The following PRH1 variants were observed in gnomAD, a reference collection of about 807,000 sequenced individuals.
PRH1 encodes the protein salivary acidic proline-rich phosphoprotein 1/2.
PRH1 carries 7 observed loss-of-function variants against 7.9 expected under a neutral mutation model. The observed-to-expected ratio is 0.89, with a 90% CI of 0.50 to 1.67. The LOEUF is 1.67. Ranked by LOEUF, PRH1 falls within the 40% of genes most tolerant of loss-of-function variation. The pLI is 0.00. For synonymous variants in PRH1, 45 were observed against 80.8 expected (o/e 0.56, Z 2.38); for missense variants, 109 against 223.6 (o/e 0.49, Z 3.27).
chr12:11,114,897 G>C (rs569693897), intron 1 of PRH1, among the ~76,000 whole-genome samples: 87 of 152,000 alleles, frequency 5.7e-4, no homozygotes, highest in Admixed American at 1.0e-3. Context: ...GCATAGAATG[G>C]ATACACAAAC....
chr12:10,919,850 T>C (rs1234264628), intron 2 of PRH1, among the ~76,000 whole-genome samples: 1 of 151,838 alleles, frequency 6.6e-6, no homozygotes, highest in African/African-American at 2.4e-5. Flanking sequence ...TTTTTAATAA[T>C]TTTTTTGAGA....
chr12:10,910,017 TTAAAAGTGA>T (rs1243612562), intron 2 of PRH1, among the ~76,000 whole-genome samples: 3 of 152,120 alleles, frequency 2.0e-5, no homozygotes, highest in African/African-American at 7.2e-5. Context: ...TTTTTTAAAC[TTAAAAGTGA>T]TAAAAAAACA....
intron 1 of PRH1, among the ~76,000 whole-genome samples, chr12:11,126,775 T>G (rs1946144780): frequency 6.6e-6 from 1 of 152,180 alleles, no homozygotes; most frequent in South Asian, 2.1e-4. Flanking sequence ...AAAATATGAT[T>G]AGTTAACAGT....
At chr12:11,006,829 A>G (rs147196902) in intron 1 of PRH1, among the ~76,000 whole-genome samples, 1 of 152,238 alleles carries the variant, frequency 6.6e-6, no homozygotes, top group African/African-American at 2.4e-5. Context: ...TGCTGCATTT[A>G]TGGAAAATTT....
chr12:11,127,306 T>G (rs960962040), intron 1 of PRH1, among the ~76,000 whole-genome samples: 1 of 152,292 alleles, frequency 6.6e-6, no homozygotes. Flanking sequence ...TTGCAATTTT[T>G]TCCTTGTTTA....
intron 1 of PRH1, among the ~76,000 whole-genome samples, chr12:11,035,180 TA>T (rs1942384008): frequency 6.6e-6 from 1 of 152,062 alleles, no homozygotes; most frequent in Non-Finnish European, 1.5e-5. Flanking sequence ...TGAAGTCTGA[TA>T]GTTTCTAAAA....
At chr12:10,881,276 G>C (rs111287924) in intron 3 of PRH1, among the ~76,000 whole-genome samples, 1 of 152,196 alleles carries the variant, frequency 6.6e-6, no homozygotes, top group Non-Finnish European at 1.5e-5. Context: ...ATGAGAAAGA[G>C]AAACAATTAT....
chr12:11,168,299 A>AGAAAGGAAG (rs1947679780), intron 1 of PRH1, among the ~76,000 whole-genome samples: 2 of 5,862 alleles, frequency 3.4e-4, no homozygotes, highest in African/African-American at 1.0e-3. Context: ...AAAGAAAGAA[A>AGAAAGGAAG]GAAGGAAGGA....
intron 1 of PRH1, among the ~76,000 whole-genome samples, chr12:10,995,626 T>C (rs1384612488): frequency 6.6e-6 from 1 of 152,154 alleles, no homozygotes; most frequent in African/African-American, 2.4e-5. Context: ...GAGCTTCTTT[T>C]TAAAGTAAGG....
At chr12:11,001,075 C>A (rs540268075) in intron 1 of PRH1, among the ~76,000 whole-genome samples, 4 of 151,918 alleles carry the variant, frequency 2.6e-5, no homozygotes, top group Admixed American at 1.3e-4. Flanking sequence ...AGACTTTGGT[C>A]ACAAAATAGA....
intron 1 of PRH1, chr12:11,133,775 T>A (rs749498965): frequency 3.1e-6 from 5 of 1,614,078 alleles, no homozygotes; most frequent in Non-Finnish European, 2.5e-6. Context: ...TCCTTCATAT[T>A]CTTTTGTCCA....
intron 1 of PRH1, among the ~76,000 whole-genome samples, chr12:10,989,770 G>T (rs1296262515): frequency 6.6e-6 from 1 of 151,986 alleles, no homozygotes; most frequent in Non-Finnish European, 1.5e-5. Flanking sequence ...ATTTGTTAAA[G>T]TCCGCTATGG....
At chr12:11,053,794 A>G (rs797003517) in intron 1 of PRH1, among the ~76,000 whole-genome samples, 2 of 135,372 alleles carry the variant, frequency 1.5e-5, no homozygotes, top group African/African-American at 2.7e-5. Context: ...GGAGAACACT[A>G]TTATTCATCC....
At chr12:10,919,748 G>T (rs1950020515) in intron 2 of PRH1, among the ~76,000 whole-genome samples, 1 of 151,092 alleles carries the variant, frequency 6.6e-6, no homozygotes, top group African/African-American at 2.4e-5. Context: ...TAAACAATCT[G>T]GTCTCACCAG....
At chr12:10,935,947 T>A (rs1209101365) in intron 2 of PRH1, among the ~76,000 whole-genome samples, 1 of 152,082 alleles carries the variant, frequency 6.6e-6, no homozygotes, top group Non-Finnish European at 1.5e-5. Flanking sequence ...ATTACAGGCT[T>A]GGCATCTTCC....
chr12:10,972,932 A>ACCCCCCCCCCCCCCCCCCCCCCCC, intron 2 of PRH1, among the ~76,000 whole-genome samples: 1 of 79,026 alleles, frequency 1.3e-5, no homozygotes, highest in Non-Finnish European at 2.6e-5. Flanking sequence ...ACCACAACCC[A>ACCCCCCCCCCCCCCCCCCCCCCCC]CCCCCCCCGC....
intron 1 of PRH1, among the ~76,000 whole-genome samples, chr12:11,109,820 G>A (rs1041355243): frequency 6.6e-6 from 1 of 152,102 alleles, no homozygotes; most frequent in Non-Finnish European, 1.5e-5. Flanking sequence ...CAGAGAATGA[G>A]TTTGATGAAT....
In PRH1 at chr12:11,042,623, C is replaced by CTTTTTTTTTTTT. The variant is rs71051557; in HGVS notation, c.-126+4385_-126+4396dup. Among the ~76,000 whole-genome samples the CTTTTTTTTTTTT allele has an allele frequency of 3.8e-4, 30 of 79,312 alleles. 5 individuals carry two copies. Among genetic ancestry groups the CTTTTTTTTTTTT allele is most frequent in the African/African-American group, 1.4e-3 (27 of 18,908 alleles). The allele number at this position is 79,312 out of a possible 152,430, so 52.0% of individuals were successfully genotyped here. A position where few individuals can be genotyped will look rare whatever the true frequency, so the allele number is the denominator to read the frequency against. On this transcript the variant is annotated intron_variant, in intron 1 of 3. Coordinates refer to the PRH1 transcript ENST00000539853. Reference sequence around the variant, plus strand: ...AAGAGGGACTACTTCCAGGCTCATTCTTTTTTTTTTTTTTTTTTTTTTTTG... The same window carrying CTTTTTTTTTTTT: ...AAGAGGGACTACTTCCAGGCTCATTCTTTTTTTTTTTTTTTTTTTTTTTTTTTTTTTTTTTTG...
At chr12:10,889,431 C>T (rs1949539654) in intron 2 of PRH1, among the ~76,000 whole-genome samples, 1 of 152,046 alleles carries the variant, frequency 6.6e-6, no homozygotes, top group African/African-American at 2.4e-5. Flanking sequence ...TTCCTTCTTT[C>T]TGCTTTCAAT....
Sources: gnomAD v4.1 joint callset for allele counts (sites outside exome capture counted in the v4.1 genomes callset) on GRCh38, gnomAD v4.1.1 for gene constraint, MANE v1.5 for transcripts, NCBI Gene and HGNC (gene_info 2026-07-23, HGNC 2026-07-21) for gene names.